HSPA12A: variants seen among roughly 807,000 people sequenced by gnomAD.
HSPA12A encodes the protein heat shock protein family A (Hsp70) member 12A.
In HSPA12A, 28 loss-of-function variants were observed where a neutral mutation model predicts 69.2. The ratio of observed to expected loss-of-function variants is 0.40; its 90% CI spans 0.30 to 0.55. HSPA12A has a LOEUF of 0.55. Among genes scored for constraint, HSPA12A ranks in the 20% least tolerant of loss-of-function variants. The probability of loss-of-function intolerance (pLI) is 0.38; values close to 1 mark genes in which losing one functional copy is unlikely to be tolerated. For synonymous variants in HSPA12A, 345 were observed against 370.5 expected, an observed-to-expected ratio of 0.93 and a Z score of 0.79; for missense variants, 686 against 900.7, an observed-to-expected ratio of 0.76 and a Z score of 3.05.
chr10:116,676,067 C>T (rs1849227125), intron 11 of HSPA12A, among the ~76,000 whole-genome samples: 1 of 152,238 alleles, frequency 6.6e-6, no homozygotes, highest in South Asian at 2.1e-4. Flanking sequence ...GAGCTTCCAG[C>T]TCTCTGATCT....
At chr10:116,750,423 A>G (rs1851748721) in intron 2 of HSPA12A, 3 of 634,840 alleles carry the variant, frequency 4.7e-6, no homozygotes. Context: ...TCTACCCCTC[A>G]TGGTACCCAA....
At chr10:116,715,765 A>G (rs76393020) in intron 1 of HSPA12A, among the ~76,000 whole-genome samples, 4,320 of 152,322 alleles carry the variant, frequency 0.028, 85 homozygotes, top group East Asian at 0.075. Context: ...TGGCCCATAC[A>G]TGGTAGGTGC....
intron 2 of HSPA12A, among the ~76,000 whole-genome samples, chr10:116,821,822 C>T (rs1845413013): frequency 1.3e-5 from 2 of 152,222 alleles, no homozygotes; most frequent in South Asian, 4.1e-4. Flanking sequence ...CCTTCCCTGT[C>T]AGATGGGAGC....
At chr10:116,743,996 G>A (rs1320042306), upstream of HSPA12A, among the ~76,000 whole-genome samples, 1 of 152,192 alleles carries the variant, frequency 6.6e-6, no homozygotes, top group African/African-American at 2.4e-5. Context: ...TCTAGCACAT[G>A]GTAAAAATCA....
intron 2 of HSPA12A, among the ~76,000 whole-genome samples, chr10:116,784,228 C>T (rs1348622617): frequency 1.3e-5 from 2 of 152,218 alleles, no homozygotes; most frequent in Non-Finnish European, 2.9e-5. Context: ...TAGGCTGGGG[C>T]CTTGTGACTT....
intron 6 of HSPA12A, among the ~76,000 whole-genome samples, chr10:116,684,658 CAAG>C (rs2132917957): frequency 6.6e-6 from 1 of 152,240 alleles, no homozygotes; most frequent in African/African-American, 2.4e-5. Flanking sequence ...GTTGAGTCAG[CAAG>C]AAGATATCTT....
chr10:116,738,942 C>T (rs1054828776), intron 1 of HSPA12A, among the ~76,000 whole-genome samples: 9 of 152,208 alleles, frequency 5.9e-5, no homozygotes, highest in South Asian at 4.1e-4. Context: ...GATGTTGACA[C>T]GGAAGTGGAT....
chr10:116,738,475 T>G (rs1341293031), intron 1 of HSPA12A, among the ~76,000 whole-genome samples: 1 of 152,224 alleles, frequency 6.6e-6, no homozygotes, highest in Non-Finnish European at 1.5e-5. Context: ...GGCTGACTCA[T>G]ATCCCAACTC....
intron 1 of HSPA12A, among the ~76,000 whole-genome samples, chr10:116,845,634 A>T (rs991724225): frequency 3.9e-5 from 6 of 151,958 alleles, no homozygotes; most frequent in African/African-American, 1.5e-4. Flanking sequence ...TCCCATCGTC[A>T]GCTCCCCAGT....
chr10:116,712,396 C>T (rs1554883216), intron 1 of HSPA12A, among the ~76,000 whole-genome samples: 2 of 152,270 alleles, frequency 1.3e-5, no homozygotes, highest in Admixed American at 6.5e-5. Flanking sequence ...CAACAAGTCT[C>T]CTGCCCCAGG....
chr10:116,757,161 G>A (rs990959142), intron 2 of HSPA12A, among the ~76,000 whole-genome samples: 15 of 152,204 alleles, frequency 9.9e-5, no homozygotes, highest in African/African-American at 3.4e-4. Flanking sequence ...AGCCACCGCT[G>A]CCACAGTAGG....
intron 2 of HSPA12A, among the ~76,000 whole-genome samples, chr10:116,768,589 C>T (rs1196995972): frequency 6.6e-6 from 1 of 152,202 alleles, no homozygotes; most frequent in African/African-American, 2.4e-5. Flanking sequence ...TCATGGCTCA[C>T]TGCAACCTCG....
At chr10:116,741,936 G>A (rs1851521733) in intron 1 of HSPA12A, among the ~76,000 whole-genome samples, 1 of 152,188 alleles carries the variant, frequency 6.6e-6, no homozygotes, top group Non-Finnish European at 1.5e-5. Flanking sequence ...GGGATGGGGC[G>A]AGGGAACAGG....
chr10:116,794,763 A>G (rs1482812922), intron 2 of HSPA12A, among the ~76,000 whole-genome samples: 1 of 152,084 alleles, frequency 6.6e-6, no homozygotes, highest in African/African-American at 2.4e-5. Context: ...CAGTGAGCCG[A>G]GATCACACCA....
intron 10 of HSPA12A, among the ~76,000 whole-genome samples, chr10:116,678,513 T>C (rs1373240581): frequency 1.4e-5 from 2 of 147,170 alleles, no homozygotes; most frequent in Non-Finnish European, 1.5e-5. Flanking sequence ...GGGGAACCTG[T>C]ACATTAGTGG....
At chr10:116,765,321 CA>C (rs1453038511) in intron 2 of HSPA12A, among the ~76,000 whole-genome samples, 1 of 151,544 alleles carries the variant, frequency 6.6e-6, no homozygotes, top group Non-Finnish European at 1.5e-5. Context: ...CCTGAAACAT[CA>C]AAAAAAATTT....
chr10:116,688,963 A>T (rs1449918510), intron 6 of HSPA12A, among the ~76,000 whole-genome samples: 2 of 152,162 alleles, frequency 1.3e-5, no homozygotes, highest in Non-Finnish European at 2.9e-5. Context: ...AATGCTCTTA[A>T]AGGGTCTAAA....
intron 2 of HSPA12A, among the ~76,000 whole-genome samples, chr10:116,823,628 G>C (rs2133200578): frequency 6.6e-6 from 1 of 152,186 alleles, no homozygotes; most frequent in East Asian, 1.9e-4. Context: ...TTGACAAGGG[G>C]GTGAAGACAA....
chr10:116,740,773 T>G lies in HSPA12A; in HGVS notation c.40+1657A>C, dbSNP rs184826116. On this transcript the variant is annotated intron_variant, in intron 1 of 11. Transcript: ENST00000369209. Reference sequence around the variant, plus strand: ...ACAGTGTTGGGAAAGGTGTGGGGAGTGGGTACACATTCCTGCCCACTTCTG... The same window carrying G: ...ACAGTGTTGGGAAAGGTGTGGGGAGGGGGTACACATTCCTGCCCACTTCTG... Among the ~76,000 whole-genome samples, 521 of 149,216 alleles carry G rather than the reference T, an allele frequency of 3.5e-3. 1 individual carries two copies. The highest frequency in any genetic ancestry group is 0.012 in the African/African-American group (493 of 40,452).
Sources: gnomAD v4.1 joint callset for allele counts (sites outside exome capture counted in the v4.1 genomes callset) on GRCh38, gnomAD v4.1.1 for gene constraint, MANE v1.5 for transcripts, NCBI Gene and HGNC (gene_info 2026-07-23, HGNC 2026-07-21) for gene names.